Variants in CCDC7 observed in about 807,000 individuals in gnomAD.
The protein encoded by CCDC7 is coiled-coil domain containing 7.
CCDC7 carries 183 observed loss-of-function variants against 196.9 expected under a neutral mutation model. The ratio of observed to expected loss-of-function variants is 0.93; its 90% CI spans 0.82 to 1.05. The LOEUF (loss-of-function observed/expected upper bound fraction) is 1.05. Among genes scored for constraint, CCDC7 ranks in the 50% least tolerant of loss-of-function variants. The pLI, the probability that CCDC7 is intolerant of heterozygous loss-of-function variation, is 0.00. For missense variants in CCDC7, 1,540 were observed against 1,482.2 expected (o/e 1.04, Z -0.64); for synonymous variants, 525 against 484.6 (o/e 1.08, Z -1.10).
chr10:32,796,174 C>T (rs1440530787), intron 29 of CCDC7, among the ~76,000 whole-genome samples: 1 of 151,984 alleles, frequency 6.6e-6, no homozygotes, highest in Non-Finnish European at 1.5e-5. Context: ...GTTTTTGTTG[C>T]TTCTCTGTGG....
chr10:32,762,312 C>T (rs918447420), intron 28 of CCDC7, among the ~76,000 whole-genome samples: 3 of 151,736 alleles, frequency 2.0e-5, no homozygotes, highest in African/African-American at 7.3e-5. Flanking sequence ...TCATGGCTAG[C>T]TATAGGTCCC....
At chr10:32,463,101 A>G (rs1564352901) in intron 5 of CCDC7, 52 bp downstream of exon 6, 1 of 1,601,132 alleles carries the variant, frequency 6.2e-7, no homozygotes, top group Non-Finnish European at 8.5e-7. Flanking sequence ...ACTCATTTGA[A>G]AAGCAATTTG....
rs796859388 is a variant in CCDC7 at position 32,521,579 on chromosome 10, GT to G, written c.993+3088del. ...TTTACTGAATTTATCAGTTCTAAGA[GT>G]TTTTTTTTTTTTTGGCCAGTCTTTA... is the stretch of plus-strand genomic sequence containing the variant. On this transcript the variant is annotated intron_variant, in intron 11 of 41. Coordinates refer to ENST00000639629, the Ensembl canonical transcript of CCDC7. Among the ~76,000 whole-genome samples, 293 of 139,246 alleles carry G rather than the reference GT, an allele frequency of 2.1e-3. 1 individual carries two copies. Among genetic ancestry groups the G allele is most frequent in the Middle Eastern group, 0.011 (3 of 268 alleles). The allele number at this position is 139,246 out of a possible 152,430, so 91.4% of individuals were successfully genotyped here.
chr10:32,656,136 C>G (rs1350252851), intron 20 of CCDC7, among the ~76,000 whole-genome samples: 4 of 152,058 alleles, frequency 2.6e-5, no homozygotes, highest in African/African-American at 9.7e-5. Context: ...AGATTTTTCC[C>G]TACGTTTTCT....
At chr10:32,499,267 A>T (rs2043462966) in intron 9 of CCDC7, 1 of 152,140 alleles carries the variant, frequency 6.6e-6, no homozygotes, top group Non-Finnish European at 1.5e-5. Flanking sequence ...TTCTCCATTT[A>T]TACATAGGGA....
At chr10:32,736,552 C>A (rs867467351) in intron 28 of CCDC7, among the ~76,000 whole-genome samples, 7 of 152,046 alleles carry the variant, frequency 4.6e-5, no homozygotes, top group African/African-American at 1.4e-4. Context: ...CCCCCCACCC[C>A]ACAACAGTCC....
intron 29 of CCDC7, among the ~76,000 whole-genome samples, 166 bp downstream of exon 30, chr10:32,779,250 A>C (rs1335610373): frequency 1.3e-5 from 2 of 152,198 alleles, no homozygotes; most frequent in African/African-American, 2.4e-5. Context: ...TGTATCTTTA[A>C]ATTTCGTGTT....
intron 11 of CCDC7, among the ~76,000 whole-genome samples, chr10:32,529,484 A>G (rs1207706731): frequency 6.6e-6 from 1 of 152,136 alleles, no homozygotes; most frequent in Non-Finnish European, 1.5e-5. Context: ...GTAAGGTGGT[A>G]TTGCATTGTG....
chr10:32,718,388 T>G (rs1402888098), intron 25 of CCDC7, among the ~76,000 whole-genome samples: 1 of 152,146 alleles, frequency 6.6e-6, no homozygotes, highest in Non-Finnish European at 1.5e-5. Flanking sequence ...TAATAAGAGC[T>G]ATTTATGACA....
chr10:32,869,145 C>T (rs1448269928), intron 41 of CCDC7, among the ~76,000 whole-genome samples: 1 of 152,142 alleles, frequency 6.6e-6, no homozygotes, highest in African/African-American at 2.4e-5. Flanking sequence ...AATTGCCACA[C>T]TGACTTCCAC....
chr10:32,718,695 G>A (rs184511712), intron 25 of CCDC7, among the ~76,000 whole-genome samples: 1 of 152,230 alleles, frequency 6.6e-6, no homozygotes, highest in African/African-American at 2.4e-5. Context: ...CAAAATTAAT[G>A]TGCAAAAATC....
intron 21 of CCDC7, among the ~76,000 whole-genome samples, chr10:32,668,359 A>C (rs1444819138): frequency 6.6e-6 from 1 of 152,070 alleles, no homozygotes; most frequent in Non-Finnish European, 1.5e-5. Flanking sequence ...AATACCCTTT[A>C]TTTCTTTCTC....
chr10:32,630,976 C>T (rs1039612367), intron 18 of CCDC7, among the ~76,000 whole-genome samples: 2 of 152,138 alleles, frequency 1.3e-5, no homozygotes, highest in African/African-American at 4.8e-5. Flanking sequence ...GGCACACAAT[C>T]TCTGGAAGAT....
In CCDC7 at chr10:32,724,662, C is replaced by A. The variant is rs145174349; in HGVS notation, c.2570-2072C>A. 5.9e-3 allele frequency among the ~76,000 whole-genome samples: 899 copies of A among 152,190 alleles called. 9 individuals carry two copies. The highest frequency in any genetic ancestry group is 0.021 in the African/African-American group (857 of 41,532). ...ACCAGGAGTGGAAAAGTACTGAACACTGTCAGAAGAAAGAAAATTGTCTTC... is the reference window on the plus strand; with the variant it reads ...ACCAGGAGTGGAAAAGTACTGAACAATGTCAGAAGAAAGAAAATTGTCTTC... On this transcript the variant is annotated intron_variant, in intron 25 of 41. Coordinates refer to ENST00000639629, the Ensembl canonical transcript of CCDC7.
rs958497765 is a variant in CCDC7 at position 32,652,327 on chromosome 10, A to G, written c.2015-11727A>G. 5.9e-5 allele frequency among the ~76,000 whole-genome samples: 9 copies of G among 151,938 alleles called. No homozygotes were observed. In the South Asian group the frequency reaches 1.2e-3, roughly 21 times the overall value. On this transcript the variant is annotated intron_variant, in intron 20 of 41. Coordinates refer to ENST00000639629, the Ensembl canonical transcript of CCDC7. Reference sequence around the variant, plus strand: ...TCTTTATAGGTGAAGTAGGTTTTCTATAGGGCACATATACTTGGATCTTAT... The same window carrying G: ...TCTTTATAGGTGAAGTAGGTTTTCTGTAGGGCACATATACTTGGATCTTAT...
chr10:32,559,592 C>T (rs557953520), intron 13 of CCDC7, among the ~76,000 whole-genome samples: 12 of 152,346 alleles, frequency 7.9e-5, no homozygotes, highest in African/African-American at 2.6e-4. Flanking sequence ...CAAACTCCAA[C>T]AGACCTGCAG....
At chr10:32,679,446 A>G (rs547152160) in intron 21 of CCDC7, among the ~76,000 whole-genome samples, 152 of 152,266 alleles carry the variant, frequency 1.0e-3, no homozygotes, top group African/African-American at 3.5e-3. Context: ...TGTGGCACAT[A>G]TAAAGGAAAC....
chr10:32,454,824 T>G (rs1564615824), intron 2 of CCDC7, among the ~76,000 whole-genome samples: 1 of 152,188 alleles, frequency 6.6e-6, no homozygotes, highest in Non-Finnish European at 1.5e-5. Flanking sequence ...GGCCACCACC[T>G]CCTGTCTTTC....
At chr10:32,701,741 C>T (rs1426827226) in intron 24 of CCDC7, among the ~76,000 whole-genome samples, 1 of 152,088 alleles carries the variant, frequency 6.6e-6, no homozygotes, top group African/African-American at 2.4e-5. Context: ...CTGGTTTAGT[C>T]TTGGGAGGGT....
Sources: gnomAD v4.1 joint callset for allele counts (sites outside exome capture counted in the v4.1 genomes callset) on GRCh38, gnomAD v4.1.1 for gene constraint, MANE v1.5 for transcripts, NCBI Gene and HGNC (gene_info 2026-07-23, HGNC 2026-07-21) for gene names.